Variants in PACRG observed in about 807,000 individuals in gnomAD.
PACRG encodes the protein parkin coregulated gene protein.
A neutral mutation model predicts 29.7 loss-of-function variants in PACRG; 29 were observed. The observed-to-expected ratio is 0.98, with a 90% CI of 0.73 to 1.33. The LOEUF (loss-of-function observed/expected upper bound fraction) is 1.33. Among genes scored for constraint, PACRG ranks in the 40% most tolerant of loss-of-function variants. The probability of loss-of-function intolerance (pLI) is 0.00; values close to 1 mark genes in which losing one functional copy is unlikely to be tolerated. For synonymous variants in PACRG, 116 were observed against 118.7 expected (o/e 0.98, Z 0.15); for missense variants, 279 against 316.2 (o/e 0.88, Z 0.89).
upstream of PACRG, chr6:162,727,231 G>C (rs893924157): frequency 5.7e-6 from 1 of 175,950 alleles, no homozygotes; most frequent in African/African-American, 2.4e-5. Context: ...GAGCCCCACA[G>C]AGAGTGGGTC....
chr6:163,202,889 A>C (rs889433682), intron 4 of PACRG, among the ~76,000 whole-genome samples: 2 of 152,184 alleles, frequency 1.3e-5, no homozygotes, highest in Non-Finnish European at 2.9e-5. Context: ...AGACTGTGAG[A>C]ATTCAATCTC....
chr6:162,958,787 TACAC>T (rs759599477), intron 2 of PACRG, among the ~76,000 whole-genome samples: 1 of 147,110 alleles, frequency 6.8e-6, no homozygotes, highest in African/African-American at 2.5e-5. Flanking sequence ...AATATACATA[TACAC>T]ACACATATAT....
intron 1 of PACRG, among the ~76,000 whole-genome samples, chr6:162,730,991 G>A (rs182791221): frequency 3.9e-4 from 60 of 152,210 alleles, no homozygotes; most frequent in African/African-American, 1.2e-3. Flanking sequence ...AGCTTATCAC[G>A]AAGCAAGTTA....
intron 2 of PACRG, among the ~76,000 whole-genome samples, chr6:163,056,361 G>A (rs536097299): frequency 6.6e-6 from 1 of 152,314 alleles, no homozygotes; most frequent in South Asian, 2.1e-4. Context: ...CGAATTAGTG[G>A]AGAAATGAAA....
intron 2 of PACRG, among the ~76,000 whole-genome samples, chr6:162,910,387 G>C (rs1796224368): frequency 6.6e-6 from 1 of 152,142 alleles, no homozygotes; most frequent in African/African-American, 2.4e-5. Flanking sequence ...CCTTCCCTTA[G>C]CTAATTTTTG....
At chr6:163,062,535 T>G (rs780311031) in intron 3 of PACRG, among the ~76,000 whole-genome samples, 1 of 152,118 alleles carries the variant, frequency 6.6e-6, no homozygotes, top group Non-Finnish European at 1.5e-5. Flanking sequence ...TAAACCAAAT[T>G]CCATGGGGTT....
At chr6:163,263,896 G>T (rs544899085) in intron 4 of PACRG, among the ~76,000 whole-genome samples, 1 of 152,308 alleles carries the variant, frequency 6.6e-6, no homozygotes, top group Non-Finnish European at 1.5e-5. Flanking sequence ...GCCAGGTTGT[G>T]ACTTCATTTG....
At chr6:162,913,750 C>T (rs552531445) in intron 2 of PACRG, among the ~76,000 whole-genome samples, 1 of 152,264 alleles carries the variant, frequency 6.6e-6, no homozygotes, top group South Asian at 2.1e-4. Flanking sequence ...TTAATTTCAG[C>T]CAGTCTAATG....
intron 2 of PACRG, among the ~76,000 whole-genome samples, chr6:162,966,756 G>C (rs982328861): frequency 6.6e-6 from 1 of 151,938 alleles, no homozygotes; most frequent in Non-Finnish European, 1.5e-5. Context: ...GATTACAGGC[G>C]TGAGCCCCCG....
At chr6:163,169,259 C>A (rs2128345891) in intron 4 of PACRG, among the ~76,000 whole-genome samples, 1 of 152,262 alleles carries the variant, frequency 6.6e-6, no homozygotes, top group Admixed American at 6.5e-5. Context: ...AACTACGGTT[C>A]ATGGAGTCAC....
In PACRG at chr6:162,747,278, G is replaced by A. The variant is rs149466279; in HGVS notation, c.156+18887G>A. The stretch of plus-strand genomic sequence containing the variant: ...ATGCTTCTTGCTCTAGAACAACATC[G>A]GACTCTAAGTTCTTCAGTTTTGGAA... On this transcript the variant is annotated intron_variant, in intron 1 of 4. Transcript: ENST00000366888. Among the ~76,000 whole-genome samples the A allele has an allele frequency of 6.8e-3, 907 of 134,098 alleles. 4 individuals carry two copies. The highest frequency in any genetic ancestry group is 0.024 in the African/African-American group (867 of 36,272). The allele number at this position is 134,098 out of a possible 152,430, so 88.0% of individuals were successfully genotyped here.
intron 4 of PACRG, among the ~76,000 whole-genome samples, chr6:163,273,053 G>T (rs933738273): frequency 6.7e-6 from 1 of 148,570 alleles, no homozygotes; most frequent in Non-Finnish European, 1.5e-5. Flanking sequence ...CACTACGCCC[G>T]GCTAATTTTT....
chr6:162,984,113 G>T (rs999248560), intron 2 of PACRG, among the ~76,000 whole-genome samples: 1 of 151,824 alleles, frequency 6.6e-6, no homozygotes, highest in East Asian at 1.9e-4. Context: ...AGATTTTGGT[G>T]CACCCATCAC....
chr6:162,830,943 G>A (rs577925933), intron 2 of PACRG, among the ~76,000 whole-genome samples: 23 of 152,222 alleles, frequency 1.5e-4, no homozygotes, highest in African/African-American at 5.1e-4. Context: ...AGAAACATGC[G>A]TTGAGCATCT....
chr6:162,747,960 G>A (rs1562557749), intron 1 of PACRG, among the ~76,000 whole-genome samples: 1 of 151,964 alleles, frequency 6.6e-6, no homozygotes, highest in African/African-American at 2.4e-5. Context: ...ATGATAAGTG[G>A]GCTAAAAAAT....
At chr6:163,251,829 T>A (rs949347590) in intron 4 of PACRG, among the ~76,000 whole-genome samples, 3 of 152,232 alleles carry the variant, frequency 2.0e-5, no homozygotes, top group Non-Finnish European at 2.9e-5. Context: ...TTATTACTAC[T>A]GGGGGCCGTG....
intron 4 of PACRG, among the ~76,000 whole-genome samples, chr6:163,215,747 C>T (rs1781335518): frequency 1.3e-5 from 2 of 152,130 alleles, no homozygotes; most frequent in East Asian, 1.9e-4. Context: ...GAAACCCCAA[C>T]ATTTAACTGG....
intron 2 of PACRG, among the ~76,000 whole-genome samples, chr6:162,871,958 CAA>C (rs925332220): frequency 6.6e-6 from 1 of 151,728 alleles, no homozygotes; most frequent in Non-Finnish European, 1.5e-5. Context: ...CAAAAAAAAA[CAA>C]AAGACTACTT....
chr6:163,207,329 A>G (rs1211860918), intron 4 of PACRG, among the ~76,000 whole-genome samples: 1 of 152,198 alleles, frequency 6.6e-6, no homozygotes, highest in African/African-American at 2.4e-5. Flanking sequence ...CTCCAAATGG[A>G]ACAGGTGATA....
Sources: allele counts gnomAD v4.1 joint callset (sites outside exome capture counted in the v4.1 genomes callset), GRCh38; gene constraint gnomAD v4.1.1; transcripts MANE v1.5; gene names NCBI Gene and HGNC (gene_info 2026-07-23, HGNC 2026-07-21).